CCDC88A: variants seen among roughly 807,000 people sequenced by gnomAD.
CCDC88A encodes the protein girdin.
Under a neutral mutation model 234.3 loss-of-function variants are expected in CCDC88A, and 54 were observed. The observed-to-expected ratio is 0.23, with a 90% CI of 0.19 to 0.29. CCDC88A has a LOEUF of 0.29. Ranked by LOEUF, CCDC88A falls within the 10% of genes least tolerant of loss-of-function variation. The pLI is 1.00. For missense variants in CCDC88A, 1,832 were observed against 2,123.4 expected (o/e 0.86, Z 2.70); for synonymous variants, 753 against 737.8 (o/e 1.02, Z -0.33).
intron 5 of CCDC88A, among the ~76,000 whole-genome samples, chr2:55,371,262 T>C (rs1672808415): frequency 1.3e-5 from 2 of 152,178 alleles, no homozygotes; most frequent in African/African-American, 4.8e-5. Flanking sequence ...ATTTAATCAA[T>C]TGTGAAGTAA....
intron 8 of CCDC88A, 54 bp downstream of exon 8, chr2:55,355,525 A>T: frequency 7.1e-7 from 1 of 1,417,374 alleles, no homozygotes; most frequent in Non-Finnish European, 1.0e-6. Context: ...AATATTGTTT[A>T]GGTCACCTTT....
In CCDC88A at chr2:55,352,769, T is replaced by C. The variant is rs547073919; in HGVS notation, c.800+2810A>G. Among the ~76,000 whole-genome samples, 12 of 152,336 alleles carry C rather than the reference T, an allele frequency of 7.9e-5. No individual in the cohort carries two copies. The South Asian group carries it at 2.5e-3, about 32-fold the overall frequency. On this transcript the variant is annotated intron_variant, in intron 8 of 32. Coordinates refer to ENST00000436346, the MANE Select transcript of CCDC88A (RefSeq NM_001365480.1). ...ATTATACTTTTACTCTATATGTTTATAAATCAAAAGCAATTATATCATAAT... is the reference window on the plus strand; with the variant it reads ...ATTATACTTTTACTCTATATGTTTACAAATCAAAAGCAATTATATCATAAT...
chr2:55,406,404 T>A (rs1679581298), intron 2 of CCDC88A, among the ~76,000 whole-genome samples: 1 of 152,172 alleles, frequency 6.6e-6, no homozygotes, highest in African/African-American at 2.4e-5. Flanking sequence ...TGTCTTTCCA[T>A]TGATATTTCC....
intron 8 of CCDC88A, among the ~76,000 whole-genome samples, chr2:55,352,719 A>C (rs1036015991): frequency 6.6e-6 from 1 of 152,200 alleles, no homozygotes; most frequent in Non-Finnish European, 1.5e-5. Context: ...AAATTTAAAA[A>C]TTACTTTTTT....
chr2:55,313,949 T>C (rs1357020472), intron 22 of CCDC88A: 1 of 152,242 alleles, frequency 6.6e-6, no homozygotes, highest in African/African-American at 2.4e-5. Flanking sequence ...CCTGTACCTA[T>C]GCCCTCTTGC....
Position 55,317,168 on chromosome 2 carries a change from A to G in CCDC88A, c.3746+38T>C, listed in dbSNP as rs1392116189. 2.2e-6 allele frequency: 2 copies of G among 913,210 alleles called. No individual in the cohort carries two copies. Among genetic ancestry groups the G allele is most frequent in the East Asian group, 6.4e-5 (2 of 31,274 alleles). The allele number at this position is 913,210 out of a possible 1,614,324, so 56.6% of individuals were successfully genotyped here. A position where few individuals can be genotyped will look rare whatever the true frequency, so the allele number is the denominator to read the frequency against. ...ACACATATATATGTATATACTTTCT[A>G]TATAAAATGTTTGTTATATATAATA... is the stretch of plus-strand genomic sequence containing the variant. On this transcript the variant is annotated intron_variant, in intron 21 of 32. Coordinates refer to ENST00000436346, the MANE Select transcript of CCDC88A (RefSeq NM_001365480.1). This position sits in a 1 kb window ranked among gnomAD's most constrained non-coding sequence, Gnocchi z 4.2.
At chr2:55,401,879 A>T (rs1004244662) in intron 2 of CCDC88A, among the ~76,000 whole-genome samples, 3 of 152,144 alleles carry the variant, frequency 2.0e-5, no homozygotes, top group African/African-American at 7.2e-5. Flanking sequence ...TTTAACAAAC[A>T]GAAGTAATGC....
rs770742464 is a variant in CCDC88A at position 55,301,855 on chromosome 2, T to C, written c.4672+17A>G. The C allele has an allele frequency of 2.4e-5, 39 of 1,608,672 alleles. No homozygotes were observed. Among genetic ancestry groups the C allele is most frequent in the Admixed American group, 6.7e-5 (4 of 59,988 alleles). On this transcript the variant is annotated intron_variant, in intron 27 of 32. Coordinates refer to ENST00000436346, the MANE Select transcript of CCDC88A (RefSeq NM_001365480.1). Reference sequence around the variant, plus strand: ...GCCAACAATTACACCACAGTGCAAATAGCAGACAGCCTATACCTTTATTAT... The same window carrying C: ...GCCAACAATTACACCACAGTGCAAACAGCAGACAGCCTATACCTTTATTAT...
At chr2:55,402,012 T>A (rs539148378) in intron 2 of CCDC88A, among the ~76,000 whole-genome samples, 118 of 152,104 alleles carry the variant, frequency 7.8e-4, no homozygotes, top group African/African-American at 2.7e-3. Context: ...TCTTTTAGAA[T>A]AAGTCAACTT....
At chr2:55,341,626 G>A (rs1668511813) in intron 12 of CCDC88A, among the ~76,000 whole-genome samples, 1 of 150,744 alleles carries the variant, frequency 6.6e-6, no homozygotes, top group South Asian at 2.1e-4. Flanking sequence ...TGTATTTTCA[G>A]CAGAGACGGG....
chr2:55,374,907 G>C, intron 3 of CCDC88A, 24 bp from the exon 4 acceptor site: 1 of 1,422,294 alleles, frequency 7.0e-7, no homozygotes, highest in South Asian at 1.2e-5. Flanking sequence ...TCCAACACTT[G>C]TTATATGGGT....
chr2:55,322,674 C>T lies in CCDC88A; in HGVS notation c.3016G>A (p.Ala1006Thr). 1 of 1,531,598 alleles carries T rather than the reference C, an allele frequency of 6.5e-7. No individual in the cohort carries two copies. 94.9% of individuals were successfully genotyped at this position (1,531,598 alleles called of 1,614,324 possible). A position where few individuals can be genotyped will look rare whatever the true frequency, so the allele number is the denominator to read the frequency against. The change falls in exon 18 of 33, where the codon GCT (alanine) becomes ACT (threonine). Residue 1006 changes from alanine (A) to threonine (T), a missense_variant. Physicochemically the swap from Ala to Thr is moderately conservative, Grantham distance 58. Transcript: ENST00000436346. ...ELKTVKKNYE[A>T]LKQRQDEERM... ...TCCTCATCTTGTCTCTGTTTGAGAG[C>T]TTCATAATTTTTTTTCACCTAAAAT...
intron 5 of CCDC88A, 89 bp from the exon 6 acceptor site, chr2:55,364,122 T>C: frequency 1.7e-6 from 1 of 571,782 alleles, no homozygotes; most frequent in Admixed American, 3.6e-5. Flanking sequence ...TGAGGTTTGC[T>C]ATATTTTGAA....
At chr2:55,401,308 C>T (rs1678579846) in intron 2 of CCDC88A, among the ~76,000 whole-genome samples, 1 of 150,308 alleles carries the variant, frequency 6.7e-6, no homozygotes, top group South Asian at 2.1e-4. Context: ...GTGGTGTGTG[C>T]CTGCAGTCCT....
At chr2:55,386,812 C>T (rs1018574579) in intron 3 of CCDC88A, among the ~76,000 whole-genome samples, 35 of 152,088 alleles carry the variant, frequency 2.3e-4, no homozygotes, top group African/African-American at 8.2e-4. Context: ...AAAGAACTAT[C>T]TTCCAAAAAC....
rs1387522690 is a variant in CCDC88A, at chr2:55,289,738, C to T, written c.*1462G>A. ...TTAGACTGTGAACACAACATTGCTA[C>T]TGGCCTACGAAAGAGAGAGAGAAAG... On this transcript the variant is annotated 3_prime_UTR_variant, in exon 33 of 33. Coordinates refer to ENST00000436346, the MANE Select transcript of CCDC88A (RefSeq NM_001365480.1). 1 of 148,614 alleles carries T rather than the reference C, an allele frequency of 6.7e-6. No individual in the cohort carries two copies. Among genetic ancestry groups the T allele is most frequent in the Non-Finnish European group, 1.5e-5 (1 of 67,322 alleles). 9.2% of individuals were successfully genotyped at this position (148,614 alleles called of 1,614,324 possible). A position where few individuals can be genotyped will look rare whatever the true frequency, so the allele number is the denominator to read the frequency against.
rs946503569 is a variant in CCDC88A, at chr2:55,312,662, G to C, written c.3934-83C>G. On this transcript the variant is annotated intron_variant, in intron 22 of 32. Coordinates refer to ENST00000436346, the MANE Select transcript of CCDC88A (RefSeq NM_001365480.1). ...TGAAAAATATGAAGTACTACACAAAGATTTAAGTGTTCCACTGTTTGAACA... is the reference window on the plus strand; with the variant it reads ...TGAAAAATATGAAGTACTACACAAACATTTAAGTGTTCCACTGTTTGAACA... 14 of 964,382 alleles carry C rather than the reference G, an allele frequency of 1.5e-5. No individual in the cohort carries two copies. The African/African-American group carries it at 2.1e-4, about 15-fold the overall frequency. The allele number at this position is 964,382 out of a possible 1,614,324, so 59.7% of individuals were successfully genotyped here. A position where few individuals can be genotyped will look rare whatever the true frequency, so the allele number is the denominator to read the frequency against.
intron 2 of CCDC88A, among the ~76,000 whole-genome samples, chr2:55,411,992 A>AAAAGGAG (rs553905404): frequency 6.8e-4 from 103 of 152,228 alleles, no homozygotes; most frequent in African/African-American, 2.4e-3. Flanking sequence ...AGAACAAACA[A>AAAAGGAG]AAAGGAGAAA....
rs756665784 is a variant in CCDC88A, at chr2:55,302,039, G to T, written c.4505C>A (p.Ala1502Glu). Residue 1502 changes from alanine to glutamate, a missense_variant, in exon 27 of 33, where the codon GCA (alanine) becomes GAA (glutamate). By Grantham distance (107) the Ala-to-Glu change is moderately radical (BLOSUM62 -1). Around this residue, in one of 6 missense-constraint regions of CCDC88A, gnomAD observed 1,282 missense variants for 1,543.6 expected, o/e 0.83. Transcript: ENST00000436346. Reference protein sequence around the residue: ...MNDLVQSMVLAGQWTGSTENL... With the variant: ...MNDLVQSMVLEGQWTGSTENL... ...CTCAGTACTACCTGTCCACTGTCCTGCTAGGACCATGGACTGCACCAGGTC... is the reference window on the plus strand; with the variant it reads ...CTCAGTACTACCTGTCCACTGTCCTTCTAGGACCATGGACTGCACCAGGTC... 2 of 1,613,848 alleles carry T rather than the reference G, an allele frequency of 1.2e-6. No individual in the cohort carries two copies. Among genetic ancestry groups the T allele is most frequent in the Non-Finnish European group, 8.5e-7 (1 of 1,179,736 alleles).
Sources: allele counts gnomAD v4.1 joint callset (sites outside exome capture counted in the v4.1 genomes callset), GRCh38; gene constraint gnomAD v4.1.1; regional missense constraint gnomAD v4.1.1; non-coding constraint Gnocchi (gnomAD v3.1); transcripts MANE v1.5; gene names NCBI Gene and HGNC (gene_info 2026-07-23, HGNC 2026-07-21).